FGGY: variants seen among roughly 807,000 people sequenced by gnomAD.
The protein encoded by FGGY is FGGY carbohydrate kinase domain containing, also known as FGGY carbohydrate kinase domain-containing protein.
FGGY carries 72 observed loss-of-function variants against 71.3 expected under a neutral mutation model. The ratio of observed to expected loss-of-function variants is 1.01; its 90% confidence interval spans 0.84 to 1.23. The LOEUF (loss-of-function observed/expected upper bound fraction) is 1.23. Among genes scored for constraint, FGGY ranks in the 50% most tolerant of loss-of-function variants. FGGY has a pLI of 0.00. For synonymous variants in FGGY, 251 were observed against 250.3 expected (o/e 1.00, Z -0.02); for missense variants, 668 against 682.3 (o/e 0.98, Z 0.23).
At chr1:59,751,899 A>G (rs74785446) in intron 14 of FGGY, among the ~76,000 whole-genome samples, 1 of 152,304 alleles carries the variant, frequency 6.6e-6, no homozygotes, top group East Asian at 1.9e-4. Flanking sequence ...GTTAGTTTAA[A>G]CTAGTTAATA....
chr1:59,595,580 C>T (rs1346170879), intron 8 of FGGY, among the ~76,000 whole-genome samples: 4 of 152,166 alleles, frequency 2.6e-5, no homozygotes, highest in African/African-American at 7.2e-5. Context: ...GTCCCAGCTA[C>T]TCGAGAGACT....
chr1:59,465,992 C>G (rs896938198), intron 6 of FGGY, among the ~76,000 whole-genome samples: 1 of 151,950 alleles, frequency 6.6e-6, no homozygotes, highest in Non-Finnish European at 1.5e-5. Flanking sequence ...CTTCACAGAA[C>G]TGAAAAAAAC....
chr1:59,356,686 A>G (rs2054376320), intron 4 of FGGY, among the ~76,000 whole-genome samples: 1 of 152,170 alleles, frequency 6.6e-6, no homozygotes, highest in African/African-American at 2.4e-5. Context: ...TTGTCCAATC[A>G]TTTCATTCCA....
At chr1:59,427,915 C>A (rs2066672287) in intron 5 of FGGY, among the ~76,000 whole-genome samples, 1 of 152,042 alleles carries the variant, frequency 6.6e-6, no homozygotes, top group Non-Finnish European at 1.5e-5. Context: ...CATATCATCT[C>A]TTATGTAGGG....
intron 3 of FGGY, among the ~76,000 whole-genome samples, chr1:59,344,874 G>C (rs1359639880): frequency 6.6e-6 from 1 of 152,176 alleles, no homozygotes; most frequent in Non-Finnish European, 1.5e-5. Flanking sequence ...CACAGATGCA[G>C]AACTCACAGA....
chr1:59,599,619 A>G (rs986747419), intron 8 of FGGY, among the ~76,000 whole-genome samples: 2 of 147,228 alleles, frequency 1.4e-5, no homozygotes, highest in Non-Finnish European at 3.0e-5. Flanking sequence ...ACTTGAACCC[A>G]GGAGGCAGAG....
chr1:59,670,971 T>C (rs1426175744), intron 13 of FGGY, among the ~76,000 whole-genome samples: 1 of 152,378 alleles, frequency 6.6e-6, no homozygotes, highest in East Asian at 1.9e-4. Context: ...TATTTTTTAG[T>C]ACTGGTAGTT....
chr1:59,351,737 T>C (rs2053344649), intron 4 of FGGY, among the ~76,000 whole-genome samples: 1 of 152,118 alleles, frequency 6.6e-6, no homozygotes, highest in South Asian at 2.1e-4. Flanking sequence ...TCCTAGAAAT[T>C]TTTAGAGGAT....
At chr1:59,323,737 A>T (rs1485703230) in intron 2 of FGGY, among the ~76,000 whole-genome samples, 1 of 152,202 alleles carries the variant, frequency 6.6e-6, no homozygotes, top group Non-Finnish European at 1.5e-5. Context: ...ATTAGTACCT[A>T]CTTCCATAGG....
chr1:59,445,933 T>G (rs1455934689), intron 5 of FGGY, among the ~76,000 whole-genome samples: 1 of 152,182 alleles, frequency 6.6e-6, no homozygotes, highest in Non-Finnish European at 1.5e-5. Flanking sequence ...TCCTGCTCTT[T>G]CCTAATGATA....
intron 6 of FGGY, among the ~76,000 whole-genome samples, chr1:59,478,729 G>C (rs2093361447): frequency 6.6e-6 from 1 of 152,028 alleles, no homozygotes; most frequent in Non-Finnish European, 1.5e-5. Context: ...AAGTGTAGAT[G>C]ATATTTGAAG....
intron 8 of FGGY, among the ~76,000 whole-genome samples, chr1:59,570,828 T>G (rs1271022331): frequency 6.6e-6 from 1 of 152,200 alleles, no homozygotes; most frequent in Non-Finnish European, 1.5e-5. Context: ...TGATGCCACC[T>G]GGGTAAAAGC....
At chr1:59,375,008 A>G (rs1458387755) in intron 4 of FGGY, among the ~76,000 whole-genome samples, 3 of 151,560 alleles carry the variant, frequency 2.0e-5, no homozygotes, top group Non-Finnish European at 4.4e-5. Context: ...TGTCACATGT[A>G]TACACAGGTA....
chr1:59,569,682 A>G (rs2095946529), intron 8 of FGGY, among the ~76,000 whole-genome samples: 2 of 152,172 alleles, frequency 1.3e-5, no homozygotes, highest in Non-Finnish European at 2.9e-5. Flanking sequence ...TTTCTTGTTT[A>G]TGGAAGTTTT....
intron 6 of FGGY, among the ~76,000 whole-genome samples, chr1:59,503,618 T>TATATATATATATATATAA (rs1491270217): frequency 5.6e-5 from 8 of 143,750 alleles, no homozygotes; most frequent in African/African-American, 2.0e-4. Context: ...TATATATATA[T>TATATATATATATATATAA]AAAATATGTA....
At chr1:59,334,663 A>G (rs142792977) in intron 2 of FGGY, among the ~76,000 whole-genome samples, 1 of 152,282 alleles carries the variant, frequency 6.6e-6, no homozygotes, top group East Asian at 1.9e-4. Context: ...ATAGTAAGAA[A>G]TGGAATTCTA....
intron 1 of FGGY, among the ~76,000 whole-genome samples, chr1:59,319,818 C>G (rs2046071616): frequency 6.6e-6 from 1 of 152,016 alleles, no homozygotes; most frequent in Non-Finnish European, 1.5e-5. Context: ...TATATCACAG[C>G]TCAAAGCTGG....
At chr1:59,762,136 C>A (rs1188941933) in intron 15 of FGGY, among the ~76,000 whole-genome samples, 5 of 151,066 alleles carry the variant, frequency 3.3e-5, no homozygotes, top group Non-Finnish European at 5.9e-5. Context: ...TGCAACTCAA[C>A]CACTTCACAG....
chr1:59,607,678 C>T lies in FGGY; in HGVS notation c.904-125C>T, dbSNP rs77543297. On this transcript the variant is annotated intron_variant, in intron 8 of 15. Transcript: ENST00000303721. ...CATGGCCTTTCTTGGGAGAGAGTGA[C>T]TTCCCCACCATAAAAGGCATTCAAT... is the stretch of plus-strand genomic sequence containing the variant. The T allele has an allele frequency of 7.5e-4, 478 of 636,314 alleles. 6 individuals carry two copies. The African/African-American group carries it at 7.8e-3, about 10-fold the overall frequency. 39.4% of individuals were successfully genotyped at this position (636,314 alleles called of 1,614,324 possible).
Sources: allele counts gnomAD v4.1 joint callset (sites outside exome capture counted in the v4.1 genomes callset), GRCh38; gene constraint gnomAD v4.1.1; transcripts MANE v1.5; gene names NCBI Gene and HGNC (gene_info 2026-07-23, HGNC 2026-07-21).